The following ELFN1 variants were observed in gnomAD, a reference collection of about 807,000 sequenced individuals.
The protein encoded by ELFN1 is protein ELFN1.
In ELFN1, 6 loss-of-function variants were observed where a neutral mutation model predicts 7.6. The observed-to-expected ratio is 0.79, with a 90% CI of 0.43 to 1.56. The LOEUF is 1.56. ELFN1 is among the 40% of genes most tolerant of loss of function. ELFN1 has a pLI of 0.01. For synonymous variants in ELFN1, 657 were observed against 588.1 expected (o/e 1.12, Z -1.70); for missense variants, 1,169 against 1,232.2 (o/e 0.95, Z 0.77).
chr7:1,692,596 A>T (rs1371174291), intron 2 of ELFN1: 1 of 152,508 alleles, frequency 6.6e-6, no homozygotes, highest in Non-Finnish European at 1.5e-5. Context: ...TGCCTTCGTC[A>T]TGTACGCTAG....
chr7:1,684,365 C>G (rs1779025565), intron 1 of ELFN1, among the ~76,000 whole-genome samples: 2 of 152,072 alleles, frequency 1.3e-5, no homozygotes, highest in Admixed American at 6.6e-5. Context: ...CCACCTTCTT[C>G]CCCCCATAAT....
chr7:1,696,604 T>C (rs1779319421), intron 2 of ELFN1, among the ~76,000 whole-genome samples: 1 of 152,138 alleles, frequency 6.6e-6, no homozygotes, highest in Non-Finnish European at 1.5e-5. Context: ...AGTTTCGCTA[T>C]GTTGCCCAGG....
intron 2 of ELFN1, among the ~76,000 whole-genome samples, chr7:1,698,090 T>C (rs966967883): frequency 2.6e-5 from 4 of 152,250 alleles, no homozygotes; most frequent in Admixed American, 2.6e-4. Context: ...TTACCATCTC[T>C]CCTGGCCTTC....
At chr7:1,723,527 C>T (rs1026294328) in intron 3 of ELFN1, among the ~76,000 whole-genome samples, 4 of 152,192 alleles carry the variant, frequency 2.6e-5, no homozygotes, top group South Asian at 2.1e-4. Flanking sequence ...AGTACTCCAT[C>T]GGGCCCACGC....
intron 3 of ELFN1, among the ~76,000 whole-genome samples, chr7:1,713,378 T>C (rs1386697366): frequency 6.6e-6 from 1 of 152,196 alleles, no homozygotes; most frequent in Non-Finnish European, 1.5e-5. Flanking sequence ...CGCTGAGTCT[T>C]CCTCAGGAAC....
Position 1,735,197 on chromosome 7 carries a change from C to T in ELFN1, c.-293-9107C>T, listed in dbSNP as rs187381730. Among the ~76,000 whole-genome samples the T allele has an allele frequency of 1.3e-5, 2 of 152,278 alleles. No individual in the cohort carries two copies. The highest frequency in any genetic ancestry group is 6.5e-5 in the Admixed American group (1 of 15,302). ...GCGGGAGGTGCTGCACACCGGCGGA[C>T]CGTCGAGGAAACAGGAGCTTTTCTC... On this transcript the variant is annotated intron_variant, in intron 3 of 3. Transcript: ENST00000424383. This position sits in a 1 kb window ranked among gnomAD's most constrained non-coding sequence, Gnocchi z 5.9.
intron 3 of ELFN1, among the ~76,000 whole-genome samples, chr7:1,711,186 C>T (rs372102924): frequency 1.9e-4 from 29 of 152,348 alleles, no homozygotes; most frequent in African/African-American, 6.7e-4. Flanking sequence ...ATACCCTTCC[C>T]CTGGGAATAT....
chr7:1,716,192 A>G (rs988795750), intron 3 of ELFN1, among the ~76,000 whole-genome samples: 1 of 152,144 alleles, frequency 6.6e-6, no homozygotes, highest in African/African-American at 2.4e-5. Context: ...GCCCACCCCA[A>G]GGTTCTGCCC....
At chr7:1,681,361 G>A (rs1369585317) in intron 1 of ELFN1, among the ~76,000 whole-genome samples, 1 of 152,018 alleles carries the variant, frequency 6.6e-6, no homozygotes, top group Non-Finnish European at 1.5e-5. Context: ...AGTTCATATT[G>A]TAAAATTCTT....
At chr7:1,714,423 G>A (rs375463847) in intron 3 of ELFN1, among the ~76,000 whole-genome samples, 7 of 152,256 alleles carry the variant, frequency 4.6e-5, no homozygotes, top group African/African-American at 1.7e-4. Context: ...CAAGCCTACC[G>A]CCTTCCTCTA....
chr7:1,743,257 G>A (rs945298086), intron 3 of ELFN1, among the ~76,000 whole-genome samples: 1 of 152,188 alleles, frequency 6.6e-6, no homozygotes, highest in Non-Finnish European at 1.5e-5. Flanking sequence ...AGGAGGCACC[G>A]TCCTGCCTGG....
At chr7:1,730,420 A>G (rs1422216727) in intron 3 of ELFN1, among the ~76,000 whole-genome samples, 1 of 152,198 alleles carries the variant, frequency 6.6e-6, no homozygotes, top group African/African-American at 2.4e-5. Context: ...TGAATATTGG[A>G]TCAAAAAGCC....
intron 1 of ELFN1, among the ~76,000 whole-genome samples, chr7:1,671,783 G>A (rs1471058947): frequency 2.0e-5 from 3 of 152,248 alleles, no homozygotes; most frequent in Admixed American, 2.0e-4. Context: ...CTGGCTTACA[G>A]GTCCCAGCCC....
chr7:1,696,750 C>G (rs901584210), intron 2 of ELFN1, among the ~76,000 whole-genome samples: 18 of 152,284 alleles, frequency 1.2e-4, no homozygotes, highest in African/African-American at 4.1e-4. Context: ...GCCCCACCCT[C>G]ATGACCTCGG....
At chr7:1,675,755 T>G (rs1047238206) in intron 1 of ELFN1, among the ~76,000 whole-genome samples, 16 of 151,828 alleles carry the variant, frequency 1.1e-4, no homozygotes, top group African/African-American at 3.6e-4. Context: ...GAGGGACGAG[T>G]CAAGGACAGC....
At chr7:1,721,623 G>A (rs115922230) in intron 3 of ELFN1, among the ~76,000 whole-genome samples, 4,295 of 152,270 alleles carry the variant, frequency 0.028, 215 homozygotes, top group African/African-American at 0.099. Context: ...ATCGAGTTAC[G>A]CACCTGCCAA....
At chr7:1,692,314 C>G (rs988804511) in intron 2 of ELFN1, 4 of 153,002 alleles carry the variant, frequency 2.6e-5, no homozygotes, top group African/African-American at 9.6e-5. Flanking sequence ...GCTGCAGGGA[C>G]GGGCTGGGCT....
rs113881654 is a variant in ELFN1, at chr7:1,704,757, A to T, written c.-455-4334A>T. ...TCCACAGCCAGGTGCCCAGCCCCCC[A>T]GTAGGGGGCAGGGACTTGAGTGGCA... On this transcript the variant is annotated intron_variant, in intron 2 of 3. Transcript: ENST00000424383. 5.5e-3 allele frequency among the ~76,000 whole-genome samples: 841 copies of T among 152,026 alleles called. 10 individuals are homozygous for T. Among genetic ancestry groups the T allele is most frequent in the African/African-American group, 0.019 (798 of 41,480 alleles).
Position 1,705,658 on chromosome 7 carries a change from TTGCCCTTTCTGGCCC to T in ELFN1, c.-455-3419_-455-3405del, listed in dbSNP as rs1779515806. On this transcript the variant is annotated intron_variant, in intron 2 of 3. Transcript: ENST00000424383. The surrounding 1 kb of genome is among the most constrained non-coding windows in gnomAD (Gnocchi z 4.3). ...TGGGGGCTGCTGTCCCTCTGGGCCC[TTGCCCTTTCTGGCCC>T]TGCCCTTTCTGGCTCATGGCAATTC... is the stretch of plus-strand genomic sequence containing the variant. Among the ~76,000 whole-genome samples the T allele has an allele frequency of 6.6e-6, 1 of 152,240 alleles. No individual in the cohort carries two copies. The highest frequency in any genetic ancestry group is 2.1e-4 in the South Asian group (1 of 4,834).
Sources: allele counts gnomAD v4.1 joint callset (sites outside exome capture counted in the v4.1 genomes callset), GRCh38; gene constraint gnomAD v4.1.1; non-coding constraint Gnocchi (gnomAD v3.1); transcripts MANE v1.5; gene names NCBI Gene and HGNC (gene_info 2026-07-23, HGNC 2026-07-21).